Variants in FSTL5 observed in about 807,000 individuals in gnomAD.
The protein encoded by FSTL5 is follistatin-related protein 5.
Under a neutral mutation model 89.1 loss-of-function variants are expected in FSTL5, and 62 were observed. That is an observed-to-expected ratio of 0.70 (90% confidence interval 0.57 to 0.86). The LOEUF is 0.86. FSTL5 is among the 40% of genes least tolerant of loss of function. The pLI is 0.00. For missense variants in FSTL5, 1,057 were observed against 1,001.6 expected (o/e 1.06, Z -0.75); for synonymous variants, 383 against 346.2 (o/e 1.11, Z -1.18).
chr4:161,656,177 A>G lies in FSTL5; in HGVS notation c.894+151T>C, dbSNP rs75153097. 1.2e-5 allele frequency: 5 copies of G among 428,194 alleles called. No individual in the cohort carries two copies. The East Asian group carries it at 1.4e-4, about 12-fold the overall frequency. The allele number at this position is 428,194 out of a possible 1,614,324, so 26.5% of individuals were successfully genotyped here. ...GAAAATTCCAAAGGACCTATAGTGC[A>G]CCTCTCATTCCGTAGATTAGATATA... On this transcript the variant is annotated intron_variant, in intron 7 of 15. Coordinates refer to ENST00000306100, the MANE Select transcript of FSTL5 (RefSeq NM_020116.5).
rs185110251 is a variant in FSTL5 at position 162,087,990 on chromosome 4, A to C, written c.126+23281T>G. On this transcript the variant is annotated intron_variant, in intron 2 of 15. Transcript: ENST00000306100. The stretch of plus-strand genomic sequence containing the variant: ...TGTAATGATCAGTTTCTTTATTGTG[A>C]ATGGATTAGGGAAATATTCAAAAAA... Among the ~76,000 whole-genome samples the C allele has an allele frequency of 4.6e-3, 694 of 152,248 alleles. 2 individuals are homozygous for C. Among genetic ancestry groups the C allele is most frequent in the African/African-American group, 0.014 (594 of 41,566 alleles).
intron 7 of FSTL5, among the ~76,000 whole-genome samples, chr4:161,594,451 A>G (rs1332045271): frequency 6.6e-6 from 1 of 152,112 alleles, no homozygotes; most frequent in Non-Finnish European, 1.5e-5. Flanking sequence ...TAGTATAATC[A>G]AGATTCCTTC....
At chr4:162,076,682 G>A (rs992059367) in intron 2 of FSTL5, among the ~76,000 whole-genome samples, 2 of 151,758 alleles carry the variant, frequency 1.3e-5, no homozygotes, top group Non-Finnish European at 2.9e-5. Context: ...ACAAATATGA[G>A]GGTGGGGCAA....
intron 6 of FSTL5, among the ~76,000 whole-genome samples, chr4:161,752,270 T>TAGATAGAC (rs1560825613): frequency 6.6e-6 from 1 of 151,502 alleles, no homozygotes; most frequent in African/African-American, 2.4e-5. Flanking sequence ...GATAGATAGA[T>TAGATAGAC]AGATGGAATG....
chr4:161,915,087 C>T (rs1733801469), intron 4 of FSTL5, among the ~76,000 whole-genome samples: 1 of 152,092 alleles, frequency 6.6e-6, no homozygotes, highest in Admixed American at 6.6e-5. Context: ...GGTTCCTGTC[C>T]CAGTTCAGGT....
chr4:161,806,180 A>G (rs540853044), intron 4 of FSTL5, among the ~76,000 whole-genome samples: 11 of 152,152 alleles, frequency 7.2e-5, no homozygotes, highest in African/African-American at 2.2e-4. Flanking sequence ...GTCTTAAAAA[A>G]TGAGATAGGT....
chr4:161,732,078 C>T (rs972057925), intron 6 of FSTL5, among the ~76,000 whole-genome samples: 15 of 91,652 alleles, frequency 1.6e-4, no homozygotes, highest in Non-Finnish European at 3.1e-4. Flanking sequence ...AGTTCTATAC[C>T]GAACTTTGAG....
chr4:161,780,247 T>C (rs1285189905), intron 4 of FSTL5, among the ~76,000 whole-genome samples: 1 of 151,540 alleles, frequency 6.6e-6, no homozygotes, highest in African/African-American at 2.4e-5. Flanking sequence ...GAAAAACATC[T>C]AGCACGGTTA....
At chr4:161,983,357 T>G (rs747474890) in intron 3 of FSTL5, among the ~76,000 whole-genome samples, 2 of 152,174 alleles carry the variant, frequency 1.3e-5, no homozygotes, top group Non-Finnish European at 2.9e-5. Context: ...TTGCATGTAA[T>G]ATTCTTCCCT....
intron 1 of FSTL5, among the ~76,000 whole-genome samples, chr4:162,140,670 T>C (rs1732693571): frequency 6.6e-6 from 1 of 152,108 alleles, no homozygotes; most frequent in Non-Finnish European, 1.5e-5. Flanking sequence ...ACATTAAGGA[T>C]AGAGATAAAA....
intron 4 of FSTL5, among the ~76,000 whole-genome samples, chr4:161,878,374 C>A (rs1439197480): frequency 1.3e-5 from 2 of 151,918 alleles, no homozygotes; most frequent in African/African-American, 4.8e-5. Flanking sequence ...AGCTCAAATC[C>A]AAGAGCTTTG....
chr4:161,610,119 G>A (rs1387420474), intron 7 of FSTL5, among the ~76,000 whole-genome samples: 2 of 151,570 alleles, frequency 1.3e-5, no homozygotes, highest in Non-Finnish European at 2.9e-5. Flanking sequence ...TACTGTACTA[G>A]AGAAATTTTA....
At chr4:161,667,035 A>G (rs1736924981) in intron 6 of FSTL5, among the ~76,000 whole-genome samples, 1 of 152,094 alleles carries the variant, frequency 6.6e-6, no homozygotes, top group African/African-American at 2.4e-5. Context: ...TACTAAAGAC[A>G]GTACAATACT....
chr4:161,900,521 C>A (rs1733321627), intron 4 of FSTL5, among the ~76,000 whole-genome samples: 1 of 151,448 alleles, frequency 6.6e-6, no homozygotes, highest in Non-Finnish European at 1.5e-5. Context: ...CACCTGTAAT[C>A]CCAGCTACTC....
At chr4:161,417,859 G>C (rs1375841516) in intron 15 of FSTL5, among the ~76,000 whole-genome samples, 1 of 152,174 alleles carries the variant, frequency 6.6e-6, no homozygotes, top group African/African-American at 2.4e-5. Context: ...TTGGTGTTAG[G>C]ATTAGTCATG....
intron 2 of FSTL5, among the ~76,000 whole-genome samples, chr4:162,078,316 T>C (rs1729951136): frequency 6.6e-6 from 1 of 151,884 alleles, no homozygotes; most frequent in Admixed American, 6.6e-5. Flanking sequence ...ATAAGTGGTT[T>C]ATATGACAAT....
At chr4:161,973,676 T>C (rs868696991) in intron 3 of FSTL5, among the ~76,000 whole-genome samples, 1 of 152,290 alleles carries the variant, frequency 6.6e-6, no homozygotes, top group East Asian at 1.9e-4. Context: ...TGCGGTGATG[T>C]TAGGAAAGTT....
intron 15 of FSTL5, among the ~76,000 whole-genome samples, chr4:161,427,625 T>G (rs929648086): frequency 2.0e-5 from 3 of 152,150 alleles, no homozygotes. Context: ...TCCATTTTTT[T>G]CTCAAAAAGG....
intron 14 of FSTL5, among the ~76,000 whole-genome samples, chr4:161,458,484 A>G (rs1403965367): frequency 6.6e-6 from 1 of 152,236 alleles, no homozygotes; most frequent in Non-Finnish European, 1.5e-5. Context: ...TGATTAAAAT[A>G]AAATTATTTC....
Sources: allele counts gnomAD v4.1 joint callset (sites outside exome capture counted in the v4.1 genomes callset), GRCh38; gene constraint gnomAD v4.1.1; transcripts MANE v1.5; gene names NCBI Gene and HGNC (gene_info 2026-07-23, HGNC 2026-07-21).